Variants in HS3ST4 observed in about 807,000 individuals in gnomAD.
HS3ST4 encodes heparan sulfate glucosamine 3-O-sulfotransferase 4.
A neutral mutation model predicts 29.2 loss-of-function variants in HS3ST4; 17 were observed. The ratio of observed to expected loss-of-function variants is 0.58; its 90% CI spans 0.40 to 0.87. HS3ST4 has a LOEUF of 0.87. Among genes scored for constraint, HS3ST4 ranks in the 40% least tolerant of loss-of-function variants. The pLI is 0.00. For missense variants in HS3ST4, 627 were observed against 634.5 expected, an observed-to-expected ratio of 0.99 and a Z score of 0.13; for synonymous variants, 314 against 285.7, an observed-to-expected ratio of 1.10 and a Z score of -1.00.
intron 1 of HS3ST4, among the ~76,000 whole-genome samples, chr16:25,876,702 A>G (rs1473405202): frequency 6.6e-6 from 1 of 151,980 alleles, no homozygotes; most frequent in African/African-American, 2.4e-5. Flanking sequence ...CGTAAAGGAA[A>G]TTTTTTACTT....
At chr16:25,985,150 T>A (rs1378539799) in intron 1 of HS3ST4, among the ~76,000 whole-genome samples, 1 of 152,232 alleles carries the variant, frequency 6.6e-6, no homozygotes, top group Non-Finnish European at 1.5e-5. Context: ...TTTCCTTATT[T>A]AAATAGGATG....
chr16:25,913,794 G>C (rs544475408), intron 1 of HS3ST4, among the ~76,000 whole-genome samples: 1 of 151,312 alleles, frequency 6.6e-6, no homozygotes, highest in East Asian at 2.0e-4. Flanking sequence ...TGTGGAGGGA[G>C]GGTGTATATG....
chr16:26,122,606 A>G (rs1463609391), intron 1 of HS3ST4, among the ~76,000 whole-genome samples: 1 of 152,242 alleles, frequency 6.6e-6, no homozygotes, highest in Non-Finnish European at 1.5e-5. Context: ...AGAGATTTCT[A>G]ATAATTCACT....
intron 1 of HS3ST4, among the ~76,000 whole-genome samples, chr16:26,030,277 G>T (rs950305894): frequency 6.6e-6 from 1 of 152,166 alleles, no homozygotes; most frequent in Non-Finnish European, 1.5e-5. Context: ...GTGTGGTGGT[G>T]CACACCTGTA....
At chr16:25,974,788 C>G (rs1441285533) in intron 1 of HS3ST4, among the ~76,000 whole-genome samples, 2 of 152,148 alleles carry the variant, frequency 1.3e-5, no homozygotes, top group Non-Finnish European at 1.5e-5. Flanking sequence ...AAAAACATGT[C>G]ATTTTAAGAA....
chr16:26,017,499 G>T (rs774904353), intron 1 of HS3ST4, among the ~76,000 whole-genome samples: 1 of 152,212 alleles, frequency 6.6e-6, no homozygotes, highest in Non-Finnish European at 1.5e-5. Flanking sequence ...TGAAAGAAAA[G>T]AGAGAGCTTC....
chr16:25,926,771 T>C (rs1968406966), intron 1 of HS3ST4, among the ~76,000 whole-genome samples: 2 of 152,386 alleles, frequency 1.3e-5, no homozygotes, highest in East Asian at 3.9e-4. Flanking sequence ...AAATACATTC[T>C]GTTAACCACA....
intron 1 of HS3ST4, among the ~76,000 whole-genome samples, chr16:26,017,359 T>G (rs1201264169): frequency 5.3e-5 from 8 of 152,186 alleles, no homozygotes; most frequent in Non-Finnish European, 1.0e-4. Context: ...CTGATTAACT[T>G]GGAGCTCTAG....
At chr16:26,015,836 T>C (rs1436965035) in intron 1 of HS3ST4, among the ~76,000 whole-genome samples, 1 of 152,204 alleles carries the variant, frequency 6.6e-6, no homozygotes, top group East Asian at 1.9e-4. Flanking sequence ...TCTTTCCAAT[T>C]TGGGGGGATT....
At chr16:26,048,903 T>G (rs1172352097) in intron 1 of HS3ST4, among the ~76,000 whole-genome samples, 1 of 152,138 alleles carries the variant, frequency 6.6e-6, no homozygotes, top group Non-Finnish European at 1.5e-5. Flanking sequence ...TGCAGTTCTT[T>G]AAGGAGAATG....
At chr16:26,089,736 T>C (rs1312983010) in intron 1 of HS3ST4, among the ~76,000 whole-genome samples, 1 of 152,224 alleles carries the variant, frequency 6.6e-6, no homozygotes, top group Admixed American at 6.5e-5. Context: ...GCTTTCATTT[T>C]ACATCCAAAA....
At chr16:25,954,905 A>G (rs1246306669) in intron 1 of HS3ST4, among the ~76,000 whole-genome samples, 2 of 152,252 alleles carry the variant, frequency 1.3e-5, no homozygotes, top group African/African-American at 4.8e-5. Flanking sequence ...CAAAGACAGA[A>G]GCCTGGGATG....
At chr16:25,712,241 G>T (rs1346968479) in intron 1 of HS3ST4, among the ~76,000 whole-genome samples, 1 of 152,130 alleles carries the variant, frequency 6.6e-6, no homozygotes, top group East Asian at 1.9e-4. Context: ...GAAACAAAAG[G>T]CCAGGCGCGG....
intron 1 of HS3ST4, among the ~76,000 whole-genome samples, chr16:26,004,557 C>G (rs1327978945): frequency 6.6e-6 from 1 of 152,144 alleles, no homozygotes; most frequent in Non-Finnish European, 1.5e-5. Context: ...TTTCTAGAAG[C>G]AAGCATTTCA....
chr16:25,990,080 G>C (rs775450542), intron 1 of HS3ST4, among the ~76,000 whole-genome samples: 4 of 152,142 alleles, frequency 2.6e-5, no homozygotes, highest in Non-Finnish European at 4.4e-5. Flanking sequence ...TACACGTAAG[G>C]TTTCTCCATG....
intron 1 of HS3ST4, among the ~76,000 whole-genome samples, chr16:26,035,264 C>T (rs938998638): frequency 1.3e-5 from 2 of 152,304 alleles, no homozygotes; most frequent in Middle Eastern, 3.4e-3. Flanking sequence ...TTGGTCTCCA[C>T]CTCTTTCTTC....
chr16:26,021,519 T>A (rs1488282346), intron 1 of HS3ST4, among the ~76,000 whole-genome samples: 1 of 152,202 alleles, frequency 6.6e-6, no homozygotes, highest in Non-Finnish European at 1.5e-5. Flanking sequence ...AAAGATAGGA[T>A]GTGGTCATTC....
At chr16:26,118,984 T>C (rs1899235845) in intron 1 of HS3ST4, among the ~76,000 whole-genome samples, 1 of 152,242 alleles carries the variant, frequency 6.6e-6, no homozygotes, top group South Asian at 2.1e-4. Context: ...GGTTTTATTA[T>C]ATGGTCTTTA....
intron 1 of HS3ST4, among the ~76,000 whole-genome samples, chr16:25,808,485 C>T (rs1308103769): frequency 1.3e-5 from 2 of 152,080 alleles, no homozygotes; most frequent in Non-Finnish European, 2.9e-5. Flanking sequence ...TGTGTTTATC[C>T]TTCTACTGAT....
Sources: gnomAD v4.1 joint callset for allele counts (sites outside exome capture counted in the v4.1 genomes callset) on GRCh38, gnomAD v4.1.1 for gene constraint, MANE v1.5 for transcripts, NCBI Gene and HGNC (gene_info 2026-07-23, HGNC 2026-07-21) for gene names.